ARHGAP8: variants seen among roughly 807,000 people sequenced by gnomAD.
ARHGAP8 encodes Rho GTPase activating protein 8.
A neutral mutation model predicts 46.1 loss-of-function variants in ARHGAP8; 62 were observed. The ratio of observed to expected loss-of-function variants is 1.34; its 90% confidence interval spans 1.10 to 1.66. The LOEUF (loss-of-function observed/expected upper bound fraction) is 1.66. ARHGAP8 is among the 40% of genes most tolerant of loss of function. The pLI is 0.00. For missense variants in ARHGAP8, 923 were observed against 568.4 expected (o/e 1.62, Z -6.34); for synonymous variants, 375 against 243.1 (o/e 1.54, Z -5.05).
At position 44,802,135 on chromosome 22, in the gene ARHGAP8, C is replaced by T. The variant is rs1314633779; in HGVS notation, c.138C>T (p.Ser46=). The T allele has an allele frequency of 3.1e-6, 5 of 1,614,158 alleles. No individual in the cohort carries two copies. The Admixed American group carries it at 5.0e-5, about 16-fold the overall frequency. The change falls in exon 3 of 12, where the codon TCC becomes TCT. Residue 46 remains serine, a synonymous_variant. Transcript: ENST00000356099. ...VTFSCCRMPP[S]HELDHQRLLE... is the part of the protein sequence containing the mutation. The stretch of plus-strand genomic sequence containing the variant: ...TCAGCTGCTGCCGGATGCCACCCTC[C>T]CACGAGCTGGACCACCAGCGGCTGC...
intron 1 of ARHGAP8, among the ~76,000 whole-genome samples, chr22:44,759,535 T>G (rs1194015809): frequency 6.6e-6 from 1 of 152,144 alleles, no homozygotes; most frequent in Non-Finnish European, 1.5e-5. Flanking sequence ...GATCAGGGGT[T>G]AGCTATTCCC....
At chr22:44,790,834 G>A (rs965141711) in intron 2 of ARHGAP8, among the ~76,000 whole-genome samples, 31 of 151,410 alleles carry the variant, frequency 2.0e-4, no homozygotes, top group African/African-American at 7.3e-4. Context: ...CCGGGTTCAA[G>A]GGATTCTCTT....
intron 10 of ARHGAP8, 23 bp downstream of exon 10, chr22:44,849,083 G>GGC (rs1442819588): frequency 6.2e-7 from 1 of 1,612,958 alleles, no homozygotes; most frequent in Non-Finnish European, 8.5e-7. Context: ...CCTGGCGCAG[G>GGC]GGTGGGGGGC....
In ARHGAP8 at chr22:44,814,655, C is replaced by T. The variant is rs1269647974; in HGVS notation, c.300-17C>T. 8 of 1,611,278 alleles carry T rather than the reference C, an allele frequency of 5.0e-6. No homozygotes were observed. Among genetic ancestry groups the T allele is most frequent in the Non-Finnish European group, 6.8e-6 (8 of 1,178,756 alleles). ...GGAGCGCGGCAGCCTGAAGTCATCC[C>T]CCGTTTCCCTCCTCAGGTACAAGAA... On this transcript the variant is annotated splice_polypyrimidine_tract_variant and intron_variant, in intron 4 of 11. Transcript: ENST00000356099.
intron 1 of ARHGAP8, among the ~76,000 whole-genome samples, chr22:44,767,743 C>T (rs992835381): frequency 2.0e-3 from 302 of 151,356 alleles, no homozygotes; most frequent in African/African-American, 6.8e-3. Context: ...CGCAGAGGTG[C>T]GTGCCTGTAA....
At chr22:44,839,295 G>A (rs1001411182) in intron 7 of ARHGAP8, among the ~76,000 whole-genome samples, 1 of 152,176 alleles carries the variant, frequency 6.6e-6, no homozygotes, top group African/African-American at 2.4e-5. Context: ...GCACCTCGGG[G>A]AGCTGTGGAT....
At chr22:44,808,482 G>A (rs746593109) in intron 4 of ARHGAP8, 44 bp downstream of exon 4, 3 of 1,605,978 alleles carry the variant, frequency 1.9e-6, no homozygotes, top group Non-Finnish European at 2.6e-6. Context: ...TGGGCTGCTT[G>A]TGGCAGGAGG....
At chr22:44,842,313 C>A (rs763011164) in intron 7 of ARHGAP8, among the ~76,000 whole-genome samples, 2 of 152,088 alleles carry the variant, frequency 1.3e-5, no homozygotes, top group African/African-American at 2.4e-5. Flanking sequence ...GCAGAGATTG[C>A]GCCACTGCAC....
chr22:44,853,353 C>A lies in ARHGAP8; in HGVS notation c.877+4293C>A, dbSNP rs537178579. On this transcript the variant is annotated intron_variant, in intron 10 of 11. Coordinates refer to ENST00000356099, the MANE Select transcript of ARHGAP8 (RefSeq NM_181335.3). ...CTGAAGTTTATATCAAGTCTTCCAGCGTCAGCTTTTGGGGCTTTGGGGAAA... is the reference window on the plus strand; with the variant it reads ...CTGAAGTTTATATCAAGTCTTCCAGAGTCAGCTTTTGGGGCTTTGGGGAAA... 2.0e-4 allele frequency among the ~76,000 whole-genome samples: 31 copies of A among 152,260 alleles called. No individual in the cohort carries two copies. In the South Asian group the frequency reaches 6.4e-3, roughly 32 times the overall value.
intron 2 of ARHGAP8, among the ~76,000 whole-genome samples, chr22:44,801,381 C>T (rs1485946198): frequency 7.3e-6 from 1 of 136,326 alleles, no homozygotes; most frequent in African/African-American, 2.9e-5. Flanking sequence ...GGCACCTCTC[C>T]CCGCAGCTGT....
intron 10 of ARHGAP8, among the ~76,000 whole-genome samples, chr22:44,859,479 A>ACAGCCTGTAGAACCATGAGC (rs1282616774): frequency 6.6e-6 from 1 of 152,160 alleles, no homozygotes; most frequent in African/African-American, 2.4e-5. Context: ...CCATGCTTGT[A>ACAGCCTGTAGAACCATGAGC]CAGCCTGTAG....
intron 10 of ARHGAP8, among the ~76,000 whole-genome samples, chr22:44,858,915 G>A (rs2070330227): frequency 6.6e-6 from 1 of 151,682 alleles, no homozygotes; most frequent in African/African-American, 2.4e-5. Context: ...TAGGCTTTGT[G>A]GGCCTTGTAG....
At chr22:44,780,749 C>T (rs1306372901) in intron 1 of ARHGAP8, among the ~76,000 whole-genome samples, 1 of 152,198 alleles carries the variant, frequency 6.6e-6, no homozygotes, top group Non-Finnish European at 1.5e-5. Context: ...TGGCCAATGC[C>T]ATTAGTCCAT....
chr22:44,861,620 G>C (rs905416059), intron 11 of ARHGAP8, among the ~76,000 whole-genome samples: 2 of 152,130 alleles, frequency 1.3e-5, no homozygotes, highest in Non-Finnish European at 1.5e-5. Context: ...GTTCCCCCCA[G>C]CTTGAATCTT....
chr22:44,825,558 G>T lies in ARHGAP8; in HGVS notation c.561G>T (p.Pro187=), dbSNP rs778484303. Residue 187 remains proline, a synonymous_variant, in exon 7 of 12, where the codon CCG becomes CCT. Transcript: ENST00000356099. ...PPTKTPPPRP[P]LPTQQFGVSL... The stretch of plus-strand genomic sequence containing the variant: ...CCAAGACACCACCGCCGCGGCCCCC[G>T]CTGCCCACACAGCAGTTTGGCGTCA... The T allele has an allele frequency of 6.2e-7, 1 of 1,612,924 alleles. No individual in the cohort carries two copies. Among genetic ancestry groups the T allele is most frequent in the East Asian group, 2.2e-5 (1 of 44,778 alleles).
chr22:44,857,878 A>G (rs2070277214), intron 10 of ARHGAP8, among the ~76,000 whole-genome samples: 1 of 152,076 alleles, frequency 6.6e-6, no homozygotes, highest in Non-Finnish European at 1.5e-5. Flanking sequence ...GCTCAGTGAC[A>G]TTGGCGGTTG....
At chr22:44,845,211 A>T in intron 7 of ARHGAP8, 58 bp from the exon 8 acceptor site, 1 of 1,607,968 alleles carries the variant, frequency 6.2e-7, no homozygotes, top group South Asian at 1.1e-5. Flanking sequence ...GCCTCTTCTC[A>T]TTGTGATCAC....
At chr22:44,822,316 C>T (rs1053499403) in intron 5 of ARHGAP8, 55 bp from the exon 6 acceptor site, 53 of 1,490,188 alleles carry the variant, frequency 3.6e-5, no homozygotes, top group South Asian at 2.2e-4. Flanking sequence ...CTGCAACCCT[C>T]GGCCTCTCTG....
chr22:44,862,136 GTCCCCATTACTGGCTGCCGGC>G (rs1240467704), intron 11 of ARHGAP8, 118 bp from the exon 12 acceptor site: 28 of 1,024,010 alleles, frequency 2.7e-5, no homozygotes, highest in Non-Finnish European at 3.5e-5. Flanking sequence ...GCTGCACAGG[GTCCCCATTACTGGCTGCCGGC>G]TCCCAGTCCA....
Sources: allele counts gnomAD v4.1 joint callset (sites outside exome capture counted in the v4.1 genomes callset), GRCh38; gene constraint gnomAD v4.1.1; transcripts MANE v1.5; gene names NCBI Gene and HGNC (gene_info 2026-07-23, HGNC 2026-07-21).